OLFM3: variants seen among roughly 807,000 people sequenced by gnomAD.
OLFM3 encodes noelin-3.
Under a neutral mutation model 48.6 loss-of-function variants are expected in OLFM3, and 20 were observed. The observed-to-expected ratio is 0.41, with a 90% CI of 0.29 to 0.60. The LOEUF is 0.60. Among genes scored for constraint, OLFM3 ranks in the 20% least tolerant of loss-of-function variants. The pLI, the probability that OLFM3 is intolerant of heterozygous loss-of-function variation, is 0.28. For synonymous variants in OLFM3, 222 were observed against 198.1 expected, an observed-to-expected ratio of 1.12 and a Z score of -1.01; for missense variants, 437 against 544.3, an observed-to-expected ratio of 0.80 and a Z score of 1.96.
chr1:101,956,113 C>T (rs1234791242), intron 1 of OLFM3, among the ~76,000 whole-genome samples: 5 of 115,422 alleles, frequency 4.3e-5, no homozygotes, highest in Admixed American at 3.3e-4. Flanking sequence ...TAAAAAAAAC[C>T]TTTACAGAAT....
chr1:101,960,282 A>G (rs1163891750), intron 1 of OLFM3, among the ~76,000 whole-genome samples: 1 of 152,168 alleles, frequency 6.6e-6, no homozygotes, highest in Non-Finnish European at 1.5e-5. Flanking sequence ...ACTTTTAAGC[A>G]CTGGGACAAT....
intron 1 of OLFM3, among the ~76,000 whole-genome samples, chr1:101,848,532 A>G (rs1368796044): frequency 1.3e-5 from 2 of 151,886 alleles, no homozygotes; most frequent in Non-Finnish European, 2.9e-5. Flanking sequence ...AAATATATCC[A>G]AATGACTTTA....
At chr1:101,902,089 T>C (rs759196446) in intron 1 of OLFM3, among the ~76,000 whole-genome samples, 24 of 151,122 alleles carry the variant, frequency 1.6e-4, no homozygotes, top group Non-Finnish European at 8.9e-5. Context: ...GAAGGGGAAA[T>C]AGAACTAGAT....
intron 1 of OLFM3, among the ~76,000 whole-genome samples, chr1:101,980,487 G>T (rs1223480240): frequency 6.6e-6 from 1 of 152,080 alleles, no homozygotes; most frequent in Non-Finnish European, 1.5e-5. Flanking sequence ...TAAGCATCTG[G>T]CATTTCTCCT....
intron 2 of OLFM3, among the ~76,000 whole-genome samples, chr1:101,833,778 C>T (rs959151825): frequency 2.0e-5 from 3 of 152,032 alleles, no homozygotes; most frequent in African/African-American, 7.2e-5. Flanking sequence ...TTTGGATAGC[C>T]TTGAATTTAA....
chr1:101,903,865 T>G (rs986789156), intron 1 of OLFM3, among the ~76,000 whole-genome samples: 1 of 152,042 alleles, frequency 6.6e-6, no homozygotes, highest in African/African-American at 2.4e-5. Context: ...CAATACATTA[T>G]TTTTAGTTAT....
At chr1:101,977,164 C>T (rs1660978812) in intron 1 of OLFM3, among the ~76,000 whole-genome samples, 2 of 152,078 alleles carry the variant, frequency 1.3e-5, no homozygotes. Flanking sequence ...AGTATAAAAG[C>T]ATTTGTAATT....
At chr1:101,950,668 T>A (rs1178031309) in intron 1 of OLFM3, among the ~76,000 whole-genome samples, 1 of 151,912 alleles carries the variant, frequency 6.6e-6, no homozygotes, top group Non-Finnish European at 1.5e-5. Flanking sequence ...ATGGTCTTGA[T>A]CTCCTGACCT....
intron 1 of OLFM3, among the ~76,000 whole-genome samples, chr1:101,946,129 A>G (rs939237378): frequency 2.0e-5 from 3 of 152,188 alleles, no homozygotes; most frequent in African/African-American, 7.2e-5. Context: ...TTAAGTTTGC[A>G]GATCACTGAG....
At chr1:101,959,426 C>G (rs1660401752) in intron 1 of OLFM3, among the ~76,000 whole-genome samples, 1 of 151,566 alleles carries the variant, frequency 6.6e-6, no homozygotes, top group Non-Finnish European at 1.5e-5. Flanking sequence ...TGGCCCACAA[C>G]TTGAGTGCAT....
chr1:101,956,512 T>C (rs1660302239), intron 1 of OLFM3, among the ~76,000 whole-genome samples: 2 of 151,938 alleles, frequency 1.3e-5, no homozygotes, highest in Admixed American at 1.3e-4. Context: ...TATCTATTTC[T>C]CTTCCAATAT....
At chr1:101,992,927 CATT>C (rs1428748577) in intron 1 of OLFM3, among the ~76,000 whole-genome samples, 2 of 152,078 alleles carry the variant, frequency 1.3e-5, no homozygotes, top group African/African-American at 4.8e-5. Flanking sequence ...ATTGCTGAAT[CATT>C]GTTATATTTT....
intron 1 of OLFM3, among the ~76,000 whole-genome samples, chr1:101,848,582 A>C (rs1471984203): frequency 3.3e-5 from 5 of 152,244 alleles, no homozygotes; most frequent in African/African-American, 1.2e-4. Context: ...CACAAAACCA[A>C]ATATTATTAC....
intron 1 of OLFM3, among the ~76,000 whole-genome samples, chr1:101,898,203 TA>T (rs1658268162): frequency 1.3e-5 from 2 of 152,182 alleles, no homozygotes; most frequent in African/African-American, 4.8e-5. Flanking sequence ...AAAAACTGAT[TA>T]TTTTTGAGCA....
At chr1:101,820,577 A>C (rs192462666) in intron 4 of OLFM3, among the ~76,000 whole-genome samples, 1 of 152,206 alleles carries the variant, frequency 6.6e-6, no homozygotes, top group East Asian at 1.9e-4. Flanking sequence ...CCAGAGGTCC[A>C]TCGCTGTTGA....
chr1:101,962,687 C>T (rs991659631), intron 1 of OLFM3, among the ~76,000 whole-genome samples: 1 of 152,112 alleles, frequency 6.6e-6, no homozygotes, highest in Non-Finnish European at 1.5e-5. Context: ...TTATAATAAT[C>T]AAAGAACAGA....
intron 1 of OLFM3, among the ~76,000 whole-genome samples, chr1:101,987,266 G>A (rs140699862): frequency 9.0e-4 from 137 of 152,252 alleles, no homozygotes; most frequent in African/African-American, 3.1e-3. Context: ...TCTCTTCAGC[G>A]TAAGCTTCGC....
rs184419703 is a variant in OLFM3, at chr1:101,827,728, A to G, written c.373-2483T>C. Among the ~76,000 whole-genome samples the G allele has an allele frequency of 6.0e-3, 913 of 152,304 alleles. 5 individuals carry two copies. Among genetic ancestry groups the G allele is most frequent in the Middle Eastern group, 0.017 (5 of 294 alleles). ...CTACTTGGAGAAGCAATGCAGCATT[A>G]GTATTAGAAGGTACAAGTTTGGAAT... is the stretch of plus-strand genomic sequence containing the variant. On this transcript the variant is annotated intron_variant, in intron 3 of 5. Transcript: ENST00000370103.
intron 1 of OLFM3, among the ~76,000 whole-genome samples, chr1:101,902,090 A>G (rs1014478142): frequency 3.3e-5 from 5 of 152,040 alleles, no homozygotes; most frequent in African/African-American, 1.2e-4. Context: ...AAGGGGAAAT[A>G]GAACTAGATA....
Sources: gnomAD v4.1 joint callset for allele counts (sites outside exome capture counted in the v4.1 genomes callset) on GRCh38, gnomAD v4.1.1 for gene constraint, MANE v1.5 for transcripts, NCBI Gene and HGNC (gene_info 2026-07-23, HGNC 2026-07-21) for gene names.